LRP6: variants seen among roughly 807,000 people sequenced by gnomAD.
LRP6 encodes the protein low-density lipoprotein receptor-related protein 6.
A neutral mutation model predicts 184.1 loss-of-function variants in LRP6; 43 were observed. The observed-to-expected ratio is 0.23, with a 90% CI of 0.18 to 0.30. The LOEUF (loss-of-function observed/expected upper bound fraction) is 0.30. Among genes scored for constraint, LRP6 ranks in the 10% least tolerant of loss-of-function variants. The pLI is 1.00. For synonymous variants in LRP6, 719 were observed against 684.9 expected, an observed-to-expected ratio of 1.05 and a Z score of -0.78; for missense variants, 1,571 against 2,005.3, an observed-to-expected ratio of 0.78 and a Z score of 4.14.
At chr12:12,234,268 C>T (rs975785304) in intron 2 of LRP6, among the ~76,000 whole-genome samples, 1 of 150,592 alleles carries the variant, frequency 6.6e-6, no homozygotes, top group Non-Finnish European at 1.5e-5. Flanking sequence ...GCGTGGGCAA[C>T]AAGAGCGAAA....
In LRP6 at chr12:12,119,989, A is replaced by AT. The variant is rs1949575552; in HGVS notation, c.*1136_*1137insA. The AT allele has an allele frequency of 7.7e-5, 8 of 103,948 alleles. No homozygotes were observed. Among genetic ancestry groups the AT allele is most frequent in the Admixed American group, 2.2e-4 (2 of 8,940 alleles). The allele number at this position is 103,948 out of a possible 1,614,324, so 6.4% of individuals were successfully genotyped here. The stretch of plus-strand genomic sequence containing the variant: ...TACTCAGAAAACAAACAAACAAACA[A>AT]AATATATATATATATATATATATAT... On this transcript the variant is annotated 3_prime_UTR_variant, in exon 23 of 23. Transcript: ENST00000261349.
chr12:12,131,843 T>A lies in LRP6; in HGVS notation c.3948A>T (p.Lys1316Asn), dbSNP rs186416519. Residue 1316 changes from lysine (K) to asparagine (N), a missense_variant, in exon 18 of 23, where the codon AAA becomes AAT. Coordinates refer to ENST00000261349, the MANE Select transcript of LRP6 (RefSeq NM_002336.3). ...TACCTTCACAGTTCTTCTCATCTGA[T>A]TTGTCCTGGCAGTTTGCATCTCCAT... The part of the protein sequence containing the change: ...RCNGDANCQD[K>N]SDEKNCEVLC... The A allele has an allele frequency of 3.2e-5, 51 of 1,614,160 alleles. No individual in the cohort carries two copies. The highest frequency in any genetic ancestry group is 4.2e-5 in the Non-Finnish European group (49 of 1,180,014).
chr12:12,214,191 G>T (rs1376332346), intron 2 of LRP6, among the ~76,000 whole-genome samples: 2 of 151,944 alleles, frequency 1.3e-5, no homozygotes, highest in East Asian at 3.9e-4. Context: ...ATAAGTAAAA[G>T]AATATTTATT....
At chr12:12,126,618 T>C in intron 20 of LRP6, 73 bp downstream of exon 20, 1 of 1,162,890 alleles carries the variant, frequency 8.6e-7, no homozygotes, top group Non-Finnish European at 1.3e-6. Flanking sequence ...TAGGTAGTAT[T>C]CTTTTCCACA....
intron 1 of LRP6, among the ~76,000 whole-genome samples, chr12:12,254,762 TG>T (rs1440838617): frequency 1.3e-5 from 2 of 152,216 alleles, no homozygotes; most frequent in Non-Finnish European, 2.9e-5. Context: ...TTAGGAAAAC[TG>T]GCCTGGTAAC....
rs1190129191 is a variant in LRP6, at chr12:12,166,135, T to G, written c.1546-840A>C. ...TTTGGGGGGGTAGGAGCAGATATTG[T>G]TCACATGTACATGTTTTTAGTATGA... On this transcript the variant is annotated intron_variant, in intron 7 of 22. Transcript: ENST00000261349. 2.0e-5 allele frequency among the ~76,000 whole-genome samples: 3 copies of G among 152,276 alleles called. No individual in the cohort carries two copies. The East Asian group carries it at 5.8e-4, about 29-fold the overall frequency.
At chr12:12,131,706 A>G (rs893412921) in intron 18 of LRP6, 115 bp downstream of exon 18, 24 of 816,530 alleles carry the variant, frequency 2.9e-5, no homozygotes, top group Admixed American at 6.8e-5. Context: ...CAGAAGTGAT[A>G]CAGTCATATG....
chr12:12,232,239 C>T (rs1864809829), intron 2 of LRP6, among the ~76,000 whole-genome samples: 1 of 151,756 alleles, frequency 6.6e-6, no homozygotes, highest in Non-Finnish European at 1.5e-5. Flanking sequence ...AAAAAATTAG[C>T]CGGGCATGGT....
intron 7 of LRP6, among the ~76,000 whole-genome samples, chr12:12,168,060 C>T (rs1862936692): frequency 6.6e-6 from 1 of 152,052 alleles, no homozygotes; most frequent in South Asian, 2.1e-4. Flanking sequence ...CAAAAAAGAA[C>T]AAATATTTGA....
rs1355574231 is a variant in LRP6, at chr12:12,266,947, A to T, written c.-212T>A. 164 of 570,840 alleles carry T rather than the reference A, an allele frequency of 2.9e-4. No homozygotes were observed. The East Asian group carries it at 5.1e-3, about 18-fold the overall frequency. 35.4% of individuals were successfully genotyped at this position (570,840 alleles called of 1,614,324 possible). A position where few individuals can be genotyped will look rare whatever the true frequency, so the allele number is the denominator to read the frequency against. ...CTCGGCCCCGGGCTCGCGCGACGCC[A>T]GCGTCTGCTTCCATCCCGCCGCCTC... On this transcript the variant is annotated 5_prime_UTR_variant, in exon 1 of 23. Coordinates refer to ENST00000261349, the MANE Select transcript of LRP6 (RefSeq NM_002336.3).
intron 1 of LRP6, 79 bp downstream of exon 1, chr12:12,266,602 T>TCCC: frequency 1.5e-6 from 1 of 670,434 alleles, no homozygotes; most frequent in African/African-American, 2.3e-5. Flanking sequence ...CCTCCGTCCC[T>TCCC]CCCCTCCCCC....
chr12:12,202,436 G>A (rs1001342192), intron 3 of LRP6, among the ~76,000 whole-genome samples: 5 of 152,176 alleles, frequency 3.3e-5, no homozygotes, highest in African/African-American at 1.2e-4. Context: ...CCAGCTACTC[G>A]GAAGGCTGAG....
chr12:12,255,737 T>C (rs912459548), intron 1 of LRP6, among the ~76,000 whole-genome samples: 2 of 151,898 alleles, frequency 1.3e-5, no homozygotes, highest in African/African-American at 2.4e-5. Flanking sequence ...TGGCTAATTT[T>C]TTTGGATTTT....
chr12:12,151,335 G>C (rs1040240055), intron 12 of LRP6, among the ~76,000 whole-genome samples: 1 of 151,800 alleles, frequency 6.6e-6, no homozygotes, highest in Non-Finnish European at 1.5e-5. Context: ...TCAGGTATTT[G>C]ATATACAAAA....
At chr12:12,232,503 C>T (rs1394593158) in intron 2 of LRP6, among the ~76,000 whole-genome samples, 1 of 151,408 alleles carries the variant, frequency 6.6e-6, no homozygotes, top group Non-Finnish European at 1.5e-5. Context: ...TCAAGGACAG[C>T]CTCTCTGAAG....
At chr12:12,153,908 G>A (rs917501377) in intron 12 of LRP6, among the ~76,000 whole-genome samples, 1 of 152,274 alleles carries the variant, frequency 6.6e-6, no homozygotes, top group East Asian at 1.9e-4. Flanking sequence ...TTTAAGAATA[G>A]AATAAACTAT....
Position 12,159,171 on chromosome 12 carries a change from C to G in LRP6, c.2465-16G>C. The G allele has an allele frequency of 6.2e-7, 1 of 1,600,078 alleles. No homozygotes were observed. On this transcript the variant is annotated splice_polypyrimidine_tract_variant and intron_variant, in intron 11 of 22. Transcript: ENST00000261349. ...CGGTTGAGCCCTATTTTCAGAAAGG[C>G]AGTAGACAGGGGAGAAGCAGAGTGA...
At position 12,161,585 on chromosome 12, in the gene LRP6, A is replaced by G. The variant is rs572303525; in HGVS notation, c.2279+608T>C. Among the ~76,000 whole-genome samples the G allele has an allele frequency of 1.4e-3, 208 of 152,240 alleles. 2 individuals are homozygous for G. The highest frequency in any genetic ancestry group is 1.6e-3 in the Admixed American group (24 of 15,282). Reference sequence around the variant, plus strand: ...CACGCCCGGCCTGTTGACTTCTTTTATAAGTGGAATTTTTCTTTAGATTTC... The same window carrying G: ...CACGCCCGGCCTGTTGACTTCTTTTGTAAGTGGAATTTTTCTTTAGATTTC... On this transcript the variant is annotated intron_variant, in intron 10 of 22. Transcript: ENST00000261349.
chr12:12,205,336 A>C (rs1042429959), intron 2 of LRP6, among the ~76,000 whole-genome samples: 47 of 130,164 alleles, frequency 3.6e-4, no homozygotes, highest in African/African-American at 1.1e-3. Flanking sequence ...AAACAAAAAA[A>C]AAAAAAAAAA....
Sources: allele counts gnomAD v4.1 joint callset (sites outside exome capture counted in the v4.1 genomes callset), GRCh38; gene constraint gnomAD v4.1.1; transcripts MANE v1.5; gene names NCBI Gene and HGNC (gene_info 2026-07-23, HGNC 2026-07-21).